The following PCSK5 variants were observed in gnomAD, a reference collection of about 807,000 sequenced individuals.
The protein encoded by PCSK5 is proprotein convertase subtilisin/kexin type 5, also known as prohormone convertase 5.
Under a neutral mutation model 233.2 loss-of-function variants are expected in PCSK5, and 129 were observed. The ratio of observed to expected loss-of-function variants is 0.55; its 90% CI spans 0.48 to 0.64. The LOEUF (loss-of-function observed/expected upper bound fraction) is 0.64, where lower values mean the gene tolerates loss of function less well. Among genes scored for constraint, PCSK5 ranks in the 30% least tolerant of loss-of-function variants. The pLI, the probability that PCSK5 is intolerant of heterozygous loss-of-function variation, is 0.00. For missense variants in PCSK5, 2,076 were observed against 2,430.1 expected (o/e 0.85, Z 3.06); for synonymous variants, 825 against 879.2 (o/e 0.94, Z 1.09).
intron 10 of PCSK5, among the ~76,000 whole-genome samples, chr9:76,151,954 ATAAT>A (rs1240831125): frequency 2.6e-5 from 4 of 152,212 alleles, no homozygotes; most frequent in African/African-American, 4.8e-5. Context: ...GAGTGATATA[ATAAT>A]TAATTGGATC....
intron 21 of PCSK5, 97 bp from the exon 22 acceptor site, chr9:76,233,363 A>C: frequency 8.0e-7 from 1 of 1,251,056 alleles, no homozygotes; most frequent in Non-Finnish European, 1.1e-6. Flanking sequence ...CAATGAAGTC[A>C]AATCTGTCCA....
chr9:76,330,585 C>T (rs1396149884), intron 33 of PCSK5, among the ~76,000 whole-genome samples: 3 of 150,676 alleles, frequency 2.0e-5, no homozygotes, highest in Non-Finnish European at 4.4e-5. Context: ...TTCATCTCTA[C>T]AAAAAATGGA....
chr9:76,254,788 C>T (rs79794161), intron 24 of PCSK5, among the ~76,000 whole-genome samples: 3,593 of 152,322 alleles, frequency 0.024, 137 homozygotes, highest in African/African-American at 0.081. Flanking sequence ...TGAGCATCTA[C>T]ATCAGGCTAG....
intron 24 of PCSK5, among the ~76,000 whole-genome samples, chr9:76,275,005 A>G (rs914723668): frequency 6.6e-6 from 1 of 152,120 alleles, no homozygotes; most frequent in Non-Finnish European, 1.5e-5. Flanking sequence ...GAACTCACTC[A>G]TTCCCAAGAG....
intron 2 of PCSK5, among the ~76,000 whole-genome samples, chr9:75,951,263 G>A (rs1194424774): frequency 2.0e-5 from 3 of 152,184 alleles, no homozygotes; most frequent in Non-Finnish European, 4.4e-5. Flanking sequence ...TTAGACTTTG[G>A]GGGACATTTG....
intron 1 of PCSK5, among the ~76,000 whole-genome samples, chr9:75,922,989 A>G (rs1048703853): frequency 1.2e-4 from 18 of 152,192 alleles, no homozygotes; most frequent in Non-Finnish European, 2.6e-4. Context: ...TTTAGAATAA[A>G]CTAATGAGGC....
Position 75,891,378 on chromosome 9 carries a change from C to T in PCSK5, c.192+5C>T. The T allele has an allele frequency of 1.3e-6, 2 of 1,545,906 alleles. No individual in the cohort carries two copies. The highest frequency in any genetic ancestry group is 2.5e-5 in the South Asian group (2 of 80,942). On this transcript the variant is annotated splice_donor_5th_base_variant and intron_variant, in intron 1 of 37. Coordinates refer to ENST00000674117, the MANE Select transcript of PCSK5 (RefSeq NM_001372043.1). ...GGATTCATCAACATAGGACAGGTAACGAACTACAGGCTAGCCCAGCCCTCG... is the reference window on the plus strand; with the variant it reads ...GGATTCATCAACATAGGACAGGTAATGAACTACAGGCTAGCCCAGCCCTCG...
At chr9:75,987,636 T>C (rs766255704) in intron 3 of PCSK5, among the ~76,000 whole-genome samples, 6 of 152,296 alleles carry the variant, frequency 3.9e-5, no homozygotes, top group Admixed American at 1.3e-4. Context: ...CACAGAAATT[T>C]TCCTCATGTT....
intron 24 of PCSK5, among the ~76,000 whole-genome samples, chr9:76,291,151 A>G (rs1467532059): frequency 5.3e-5 from 8 of 152,210 alleles, no homozygotes; most frequent in African/African-American, 9.6e-5. Context: ...AGTGCAATGC[A>G]TTAGTTGTAT....
rs372637360 is a variant in PCSK5, at chr9:75,932,468, T to G, written c.282T>G (p.Ile94Met). 1 of 1,606,722 alleles carries G rather than the reference T, an allele frequency of 6.2e-7. No homozygotes were observed. The change falls in exon 2 of 38, where the codon ATT becomes ATG. Residue 94 changes from isoleucine (I) to methionine (M), a missense_variant. Ile to Met is a conservative substitution (Grantham distance 10, BLOSUM62 1). This residue lies in a region of PCSK5 where 190 missense variants were observed against 216.3 expected (regional missense o/e 0.88). Coordinates refer to ENST00000674117, the MANE Select transcript of PCSK5 (RefSeq NM_001372043.1). ...CGAGCAGAGGGACCCACAGTTTCAT[T>G]TCAATGGAACCAAAGGTAAGAAGAA... is the stretch of plus-strand genomic sequence containing the variant. The part of the protein sequence containing the change: ...VISSRGTHSF[I>M]SMEPKVEWIQ...
At chr9:76,097,397 C>T (rs1251906929) in intron 8 of PCSK5, among the ~76,000 whole-genome samples, 11 of 143,990 alleles carry the variant, frequency 7.6e-5, no homozygotes, top group Non-Finnish European at 1.6e-4. Flanking sequence ...GTAGCTGGGA[C>T]TACAGGCGCC....
chr9:76,320,098 G>A (rs942267550), intron 30 of PCSK5, among the ~76,000 whole-genome samples: 4 of 152,008 alleles, frequency 2.6e-5, no homozygotes, highest in African/African-American at 9.7e-5. Flanking sequence ...CATCTTGATG[G>A]TAGTGGTCCC....
intron 9 of PCSK5, among the ~76,000 whole-genome samples, chr9:76,107,852 A>G (rs1462698402): frequency 6.6e-6 from 1 of 152,226 alleles, no homozygotes; most frequent in Non-Finnish European, 1.5e-5. Context: ...TGTCAAAAAG[A>G]TTACTGTGAA....
In PCSK5 at chr9:76,359,148, ATAAAATTCAGAGGCATTT is replaced by A; in HGVS notation, c.*228_*245del. 1.9e-6 allele frequency: 1 copy of A among 527,558 alleles called. No individual in the cohort carries two copies. Among genetic ancestry groups the A allele is most frequent in the East Asian group, 3.0e-5 (1 of 33,560 alleles). 32.7% of individuals were successfully genotyped at this position (527,558 alleles called of 1,614,324 possible). A position where few individuals can be genotyped will look rare whatever the true frequency, so the allele number is the denominator to read the frequency against. ...GTTCAACCGTAATTGAAGAGCAAGG[ATAAAATTCAGAGGCATTT>A]TCCTCAAAATAATGTGTTAAGACAC... On this transcript the variant is annotated 3_prime_UTR_variant, in exon 38 of 38. Coordinates refer to ENST00000674117, the MANE Select transcript of PCSK5 (RefSeq NM_001372043.1).
At chr9:75,919,631 G>T (rs1233500424) in intron 1 of PCSK5, among the ~76,000 whole-genome samples, 1 of 152,088 alleles carries the variant, frequency 6.6e-6, no homozygotes, top group African/African-American at 2.4e-5. Flanking sequence ...TATCTGATTT[G>T]ATAGGTGTTT....
At chr9:76,008,063 T>A (rs1197897005) in intron 3 of PCSK5, among the ~76,000 whole-genome samples, 1 of 152,032 alleles carries the variant, frequency 6.6e-6, no homozygotes, top group Non-Finnish European at 1.5e-5. Flanking sequence ...AGGTCTCAGA[T>A]CTGTTCACCT....
intron 3 of PCSK5, among the ~76,000 whole-genome samples, chr9:76,020,692 A>G (rs1213706998): frequency 6.6e-6 from 1 of 152,234 alleles, no homozygotes; most frequent in East Asian, 1.9e-4. Context: ...GGAAGAAAGG[A>G]ACCTAGTTGC....
In PCSK5 at chr9:76,233,482, G is replaced by A; in HGVS notation, c.2752G>A (p.Val918Ile). ...MTRIFDDGRC[V>I]SNCPSWKFEF... ...TAGGATTTTTGATGATGGCCGCTGT[G>A]TTTCGAACTGCCCCTCATGGAAATT... Residue 918 changes from valine (V) to isoleucine (I), a missense_variant, in exon 22 of 38, where the codon GTT (valine) becomes ATT (isoleucine). Coordinates refer to ENST00000674117, the MANE Select transcript of PCSK5 (RefSeq NM_001372043.1). 6.2e-7 allele frequency: 1 copy of A among 1,612,782 alleles called. No homozygotes were observed. The highest frequency in any genetic ancestry group is 8.5e-7 in the Non-Finnish European group (1 of 1,179,842).
intron 35 of PCSK5, among the ~76,000 whole-genome samples, chr9:76,346,729 C>T (rs764177101): frequency 1.3e-5 from 2 of 152,058 alleles, no homozygotes; most frequent in East Asian, 1.9e-4. Context: ...GTTTTTCTCA[C>T]GGGATATAAA....
Sources: allele counts gnomAD v4.1 joint callset (sites outside exome capture counted in the v4.1 genomes callset), GRCh38; gene constraint gnomAD v4.1.1; regional missense constraint gnomAD v4.1.1; transcripts MANE v1.5; gene names NCBI Gene and HGNC (gene_info 2026-07-23, HGNC 2026-07-21).